KNDC1: variants seen among roughly 807,000 people sequenced by gnomAD.
KNDC1 encodes the protein kinase non-catalytic C-lobe domain containing 1.
Under a neutral mutation model 172.8 loss-of-function variants are expected in KNDC1, and 106 were observed. That is an observed-to-expected ratio of 0.61 (90% CI 0.52 to 0.72). The LOEUF is 0.72. Ranked by LOEUF, KNDC1 falls within the 30% of genes least tolerant of loss-of-function variation. The pLI, the probability that KNDC1 is intolerant of heterozygous loss-of-function variation, is 0.00. For missense variants in KNDC1, 2,325 were observed against 2,394.5 expected, an observed-to-expected ratio of 0.97 and a Z score of 0.61; for synonymous variants, 1,083 against 1,062.2, an observed-to-expected ratio of 1.02 and a Z score of -0.38.
Position 133,210,610 on chromosome 10 carries a change from GT to G in KNDC1, c.3795del (p.Ser1265ArgfsTer37). The part of the protein sequence containing the change: ...PLGLMAYLYS[S>X]DAFLEGYVQQ... ...TCACCGCCGCCCGCCCCGCCCCACAGTGATGCCTTCCTGGAGGGTTATGTGC... is the reference window on the plus strand; with the variant it reads ...TCACCGCCGCCCGCCCCGCCCCACAGGATGCCTTCCTGGAGGGTTATGTGC... On this transcript the variant is annotated frameshift_variant and splice_region_variant, in exon 21 of 30. Coordinates refer to ENST00000304613, the MANE Select transcript of KNDC1 (RefSeq NM_152643.8). LOFTEE classifies it high-confidence loss of function. The G allele has an allele frequency of 6.4e-7, 1 of 1,574,280 alleles. No homozygotes were observed. Among genetic ancestry groups the G allele is most frequent in the Non-Finnish European group, 8.7e-7 (1 of 1,146,852 alleles).
At chr10:133,166,705 A>C (rs1025868133) in intron 1 of KNDC1, among the ~76,000 whole-genome samples, 1 of 150,516 alleles carries the variant, frequency 6.6e-6, no homozygotes, top group Non-Finnish European at 1.5e-5. Context: ...TGTCTGTGTG[A>C]GGGTGAGCAC....
intron 17 of KNDC1, among the ~76,000 whole-genome samples, chr10:133,203,864 C>A (rs35507263): frequency 3.2e-4 from 49 of 152,348 alleles, no homozygotes; most frequent in South Asian, 6.2e-4. Context: ...GGAGCGCCCC[C>A]GACGGACATC....
At chr10:133,187,039 C>T (rs988816004) in intron 6 of KNDC1, among the ~76,000 whole-genome samples, 2 of 152,236 alleles carry the variant, frequency 1.3e-5, no homozygotes, top group Admixed American at 6.5e-5. Context: ...TCAGGGGCTC[C>T]GTGTCCCCAG....
chr10:133,212,242 G>C (rs377679093), intron 23 of KNDC1, among the ~76,000 whole-genome samples: 1 of 149,322 alleles, frequency 6.7e-6, no homozygotes, highest in East Asian at 2.0e-4. Context: ...GCACCCTCAC[G>C]CAATCCACAC....
chr10:133,181,566 C>G (rs1853716777), intron 3 of KNDC1, among the ~76,000 whole-genome samples: 1 of 152,106 alleles, frequency 6.6e-6, no homozygotes, highest in Admixed American at 6.5e-5. Context: ...GGTGGGCTGC[C>G]CCAGGGCACC....
chr10:133,203,407 T>C (rs574596684), intron 17 of KNDC1, among the ~76,000 whole-genome samples: 7 of 152,380 alleles, frequency 4.6e-5, no homozygotes, highest in African/African-American at 1.7e-4. Context: ...GAGGAGCTAC[T>C]GTGTCTCTTT....
At chr10:133,221,810 C>A in intron 29 of KNDC1, among the ~76,000 whole-genome samples, 1 of 137,692 alleles carries the variant, frequency 7.3e-6, no homozygotes, top group Non-Finnish European at 1.6e-5. Flanking sequence ...GACGCGGCGG[C>A]TCACGCCTGT....
Position 133,211,485 on chromosome 10 carries a change from G to C in KNDC1, c.3972G>C (p.Gln1324His). 1 of 1,614,000 alleles carries C rather than the reference G, an allele frequency of 6.2e-7. No homozygotes were observed. Among genetic ancestry groups the C allele is most frequent in the Non-Finnish European group, 8.5e-7 (1 of 1,179,912 alleles). Reference sequence around the variant, plus strand: ...ACAGGCGGAGCCTCTGCGTCCTGCAGGCCTGGGTGGAGGACTGCTACGCTG... The same window carrying C: ...ACAGGCGGAGCCTCTGCGTCCTGCACGCCTGGGTGGAGGACTGCTACGCTG... ...KIYRRSLCVL[Q>H]AWVEDCYAVD... is the part of the protein sequence containing the mutation. The change falls in exon 22 of 30, where the codon CAG (glutamine) becomes CAC (histidine). Residue 1324 changes from glutamine (Q) to histidine (H), a missense_variant. Transcript: ENST00000304613.
At chr10:133,219,582 T>C (rs532990674) in intron 28 of KNDC1, among the ~76,000 whole-genome samples, 7 of 152,348 alleles carry the variant, frequency 4.6e-5, no homozygotes, top group Admixed American at 2.6e-4. Flanking sequence ...GGCTCCTGCA[T>C]GTCTTTGCTG....
At chr10:133,223,683 A>ATG (rs1258625986) in intron 29 of KNDC1, among the ~76,000 whole-genome samples, 1 of 19,166 alleles carries the variant, frequency 5.2e-5, no homozygotes, top group Non-Finnish European at 9.6e-5. Flanking sequence ...TCTTCCCGGC[A>ATG]TGTGTGTGTG....
chr10:133,193,904 C>T (rs1854122600), intron 9 of KNDC1, among the ~76,000 whole-genome samples: 1 of 152,190 alleles, frequency 6.6e-6, no homozygotes, highest in African/African-American at 2.4e-5. Context: ...CACCAAATAA[C>T]AGAGCTGCAG....
rs181984619 is a variant in KNDC1 at position 133,212,934 on chromosome 10, G to A, written c.4443+12G>A. ...CGCTGCTACAGCAGGTGAGGAGGGC[G>A]AGGATCTGCGCCCAGGTCACCTGCG... On this transcript the variant is annotated intron_variant, in intron 24 of 29. Transcript: ENST00000304613. 5.5e-4 allele frequency: 886 copies of A among 1,604,574 alleles called. 3 individuals are homozygous for A. The African/African-American group carries it at 7.9e-3, about 14-fold the overall frequency.
intron 1 of KNDC1, among the ~76,000 whole-genome samples, chr10:133,164,661 C>G (rs1460484361): frequency 6.6e-6 from 1 of 152,222 alleles, no homozygotes; most frequent in Non-Finnish European, 1.5e-5. Context: ...CCTGGCCCAG[C>G]TGTGGACTTG....
At chr10:133,161,598 A>G (rs1852971282) in intron 1 of KNDC1, among the ~76,000 whole-genome samples, 1 of 152,088 alleles carries the variant, frequency 6.6e-6, no homozygotes, top group Non-Finnish European at 1.5e-5. Context: ...CGGCCCAGCC[A>G]CCTAGAAACA....
chr10:133,188,758 C>T (rs1208750195), intron 7 of KNDC1, 105 bp downstream of exon 7: 1 of 586,658 alleles, frequency 1.7e-6, no homozygotes, highest in Non-Finnish European at 3.0e-6. Context: ...CCACACCGTC[C>T]CACGCCCCCC....
chr10:133,181,352 G>A (rs887980048), intron 3 of KNDC1, among the ~76,000 whole-genome samples: 4 of 152,244 alleles, frequency 2.6e-5, no homozygotes, highest in African/African-American at 4.8e-5. Context: ...GGTCCCCCCC[G>A]GATGGCACAG....
In KNDC1 at chr10:133,224,333, G is replaced by C. The variant is rs1283593865; in HGVS notation, c.5019-326G>C. ...TCTGCACGGCAGCAGAGAGTCCCTTGCCTGCCTCGTCCTCTCAGCTGCAGC... is the reference window on the plus strand; with the variant it reads ...TCTGCACGGCAGCAGAGAGTCCCTTCCCTGCCTCGTCCTCTCAGCTGCAGC... On this transcript the variant is annotated intron_variant, in intron 29 of 29. Coordinates refer to ENST00000304613, the MANE Select transcript of KNDC1 (RefSeq NM_152643.8). The surrounding 1 kb of genome is among the most constrained non-coding windows in gnomAD (Gnocchi z 5.4). 1.3e-5 allele frequency among the ~76,000 whole-genome samples: 2 copies of C among 152,208 alleles called. No individual in the cohort carries two copies. Among genetic ancestry groups the C allele is most frequent in the East Asian group, 3.9e-4 (2 of 5,184 alleles).
intron 3 of KNDC1, among the ~76,000 whole-genome samples, chr10:133,177,335 C>T (rs1256998406): frequency 3.3e-5 from 5 of 151,992 alleles, no homozygotes; most frequent in Non-Finnish European, 5.9e-5. Flanking sequence ...GGTGTCATGC[C>T]CGTGTGTACA....
chr10:133,214,917 C>G (rs1845444068), intron 26 of KNDC1, among the ~76,000 whole-genome samples: 1 of 152,202 alleles, frequency 6.6e-6, no homozygotes, highest in Non-Finnish European at 1.5e-5. Flanking sequence ...GCATCAGGGT[C>G]CACAGCTTCT....
Sources: allele counts gnomAD v4.1 joint callset (sites outside exome capture counted in the v4.1 genomes callset), GRCh38; gene constraint gnomAD v4.1.1; non-coding constraint Gnocchi (gnomAD v3.1); transcripts MANE v1.5; gene names NCBI Gene and HGNC (gene_info 2026-07-23, HGNC 2026-07-21).